Variants in PHACTR3 observed in about 807,000 individuals in gnomAD.
The protein encoded by PHACTR3 is protein phosphatase 1, regulatory subunit 123.
PHACTR3 carries 16 observed loss-of-function variants against 66.8 expected under a neutral mutation model. The observed-to-expected ratio is 0.24, with a 90% confidence interval of 0.16 to 0.36. PHACTR3 has a LOEUF of 0.36. Ranked by LOEUF, PHACTR3 falls within the 10% of genes least tolerant of loss-of-function variation. PHACTR3 has a pLI of 1.00. For missense variants in PHACTR3, 647 were observed against 719.9 expected (o/e 0.90, Z 1.16); for synonymous variants, 323 against 292.1 (o/e 1.11, Z -1.08).
intron 7 of PHACTR3, among the ~76,000 whole-genome samples, chr20:59,802,396 G>A (rs1270231498): frequency 6.6e-6 from 1 of 152,210 alleles, no homozygotes; most frequent in Non-Finnish European, 1.5e-5. Context: ...TAATCATTGA[G>A]GCAGGAGGAT....
intron 1 of PHACTR3, among the ~76,000 whole-genome samples, chr20:59,690,431 G>A (rs557702094): frequency 2.6e-5 from 4 of 152,164 alleles, no homozygotes; most frequent in Admixed American, 6.5e-5. Flanking sequence ...TTAGTTGTCT[G>A]GTTTGCTCTC....
chr20:59,786,843 G>A (rs1295089382), intron 7 of PHACTR3, among the ~76,000 whole-genome samples: 10 of 152,152 alleles, frequency 6.6e-5, no homozygotes, highest in Non-Finnish European at 1.2e-4. Flanking sequence ...TCCATGGAGC[G>A]CTCTCTGTGT....
rs41303897 is a variant in PHACTR3 at position 59,847,454 on chromosome 20, G to A, written c.*324G>A. On this transcript the variant is annotated 3_prime_UTR_variant, in exon 13 of 13. Coordinates refer to ENST00000371015, the MANE Select transcript of PHACTR3 (RefSeq NM_080672.5). ...TGCAGTGTAATGGAGGACGGGCAAC[G>A]TGCATGTGCAGGCTCACCACTCCCA... 1.9e-3 allele frequency: 444 copies of A among 237,738 alleles called. No individual in the cohort carries two copies. The highest frequency in any genetic ancestry group is 3.5e-3 in the Admixed American group (68 of 19,186). 14.7% of individuals were successfully genotyped at this position (237,738 alleles called of 1,614,324 possible).
At chr20:59,598,837 C>G (rs534541077) in intron 1 of PHACTR3, among the ~76,000 whole-genome samples, 1 of 152,178 alleles carries the variant, frequency 6.6e-6, no homozygotes, top group Admixed American at 6.5e-5. Flanking sequence ...GCAGAGGGCG[C>G]GGCTGCCCAC....
intron 7 of PHACTR3, among the ~76,000 whole-genome samples, chr20:59,800,447 GT>G (rs538773071): frequency 2.0e-5 from 3 of 151,892 alleles, no homozygotes; most frequent in South Asian, 2.1e-4. Context: ...GTTGTCTGGG[GT>G]TTTTTTTCTT....
intron 1 of PHACTR3, among the ~76,000 whole-genome samples, chr20:59,631,516 G>A (rs919848214): frequency 1.3e-5 from 2 of 152,140 alleles, no homozygotes; most frequent in African/African-American, 4.8e-5. Flanking sequence ...CCAGTTTACA[G>A]GGGCCTTGAC....
intron 5 of PHACTR3, among the ~76,000 whole-genome samples, chr20:59,773,026 A>G (rs2275388): frequency 6.6e-6 from 1 of 152,020 alleles, no homozygotes; most frequent in African/African-American, 2.4e-5. Flanking sequence ...TGCAGGGAGG[A>G]TGCTGGTGCT....
At chr20:59,840,484 G>T in intron 10 of PHACTR3, 54 bp downstream of exon 10, 1 of 1,604,000 alleles carries the variant, frequency 6.2e-7, no homozygotes, top group East Asian at 2.2e-5. Flanking sequence ...GAGAACAGCT[G>T]CTTCGGTAGC....
intron 7 of PHACTR3, among the ~76,000 whole-genome samples, chr20:59,782,126 A>C (rs1355301402): frequency 6.6e-6 from 1 of 152,188 alleles, no homozygotes; most frequent in African/African-American, 2.4e-5. Flanking sequence ...AACGCAAAAG[A>C]GGGCTGGGTC....
At chr20:59,689,020 T>C (rs2037000794) in intron 1 of PHACTR3, among the ~76,000 whole-genome samples, 1 of 152,226 alleles carries the variant, frequency 6.6e-6, no homozygotes, top group African/African-American at 2.4e-5. Context: ...ATTTGCATCC[T>C]GTGTGGGCCG....
chr20:59,583,728 G>C (rs531525893), intron 1 of PHACTR3, among the ~76,000 whole-genome samples: 228 of 152,354 alleles, frequency 1.5e-3, no homozygotes, highest in Non-Finnish European at 2.6e-3. Flanking sequence ...CTGGGCCGGG[G>C]CTGGCTGGGA....
At chr20:59,691,873 C>T (rs556590302) in intron 1 of PHACTR3, among the ~76,000 whole-genome samples, 60 of 152,290 alleles carry the variant, frequency 3.9e-4, no homozygotes, top group African/African-American at 1.4e-3. Context: ...TCCACTCGCC[C>T]CACCAAGCCT....
At chr20:59,766,107 C>T (rs780040451) in intron 4 of PHACTR3, among the ~76,000 whole-genome samples, 44 of 152,184 alleles carry the variant, frequency 2.9e-4, no homozygotes, top group Non-Finnish European at 4.1e-4. Context: ...AGAGGAGCCC[C>T]GGTCTGATGA....
At chr20:59,621,972 T>G (rs903497168) in intron 1 of PHACTR3, among the ~76,000 whole-genome samples, 6 of 152,236 alleles carry the variant, frequency 3.9e-5, no homozygotes, top group African/African-American at 1.4e-4. Context: ...CATCTGTCTT[T>G]TAGGCAATAA....
At chr20:59,769,673 T>C (rs556010274) in intron 5 of PHACTR3, among the ~76,000 whole-genome samples, 98 of 152,322 alleles carry the variant, frequency 6.4e-4, no homozygotes, top group African/African-American at 2.2e-3. Flanking sequence ...CTGTGTTCAC[T>C]GTCAAATCCA....
intron 7 of PHACTR3, 64 bp from the exon 8 acceptor site, chr20:59,805,976 AG>A: frequency 6.5e-7 from 1 of 1,529,072 alleles, no homozygotes; most frequent in Non-Finnish European, 8.8e-7. Flanking sequence ...TTGACAAGCC[AG>A]CCCTCCGCTA....
intron 1 of PHACTR3, among the ~76,000 whole-genome samples, chr20:59,646,516 A>G (rs2035285017): frequency 6.6e-6 from 1 of 152,156 alleles, no homozygotes; most frequent in Non-Finnish European, 1.5e-5. Context: ...AGTTACACTG[A>G]ACGAAGTGAA....
rs138891242 is a variant in PHACTR3, at chr20:59,728,863, C to T, written c.119-14244C>T. Among the ~76,000 whole-genome samples, 18 of 135,322 alleles carry T rather than the reference C, an allele frequency of 1.3e-4. 1 individual carries two copies. The highest frequency in any genetic ancestry group is 3.8e-4 in the African/African-American group (14 of 37,070). The allele number at this position is 135,322 out of a possible 152,430, so 88.8% of individuals were successfully genotyped here. On this transcript the variant is annotated intron_variant, in intron 1 of 12. Transcript: ENST00000371015. Reference sequence around the variant, plus strand: ...CACCGTGGAGGGAGTGTGTGCCATGCGGAGAATTTTGGGTTGGGTGGGAGG... The same window carrying T: ...CACCGTGGAGGGAGTGTGTGCCATGTGGAGAATTTTGGGTTGGGTGGGAGG...
intron 5 of PHACTR3, among the ~76,000 whole-genome samples, chr20:59,770,805 A>G (rs773406053): frequency 3.3e-5 from 5 of 152,036 alleles, no homozygotes; most frequent in Admixed American, 6.6e-5. Context: ...GTCCCTGGAG[A>G]TGCGTTTACC....
Sources: gnomAD v4.1 joint callset for allele counts (sites outside exome capture counted in the v4.1 genomes callset) on GRCh38, gnomAD v4.1.1 for gene constraint, MANE v1.5 for transcripts, NCBI Gene and HGNC (gene_info 2026-07-23, HGNC 2026-07-21) for gene names.